The following ABHD8 variants were observed in gnomAD, a reference collection of about 807,000 sequenced individuals.
The protein encoded by ABHD8 is protein ABHD8.
In ABHD8, 10 loss-of-function variants were observed where a neutral mutation model predicts 29.3. The ratio of observed to expected loss-of-function variants is 0.34; its 90% confidence interval spans 0.21 to 0.58. The LOEUF is 0.58. Ranked by LOEUF, ABHD8 falls within the 20% of genes least tolerant of loss-of-function variation. The probability of loss-of-function intolerance (pLI) is 0.85; values close to 1 mark genes in which losing one functional copy is unlikely to be tolerated. For missense variants in ABHD8, 556 were observed against 615.3 expected (o/e 0.90, Z 1.02); for synonymous variants, 282 against 274.6 (o/e 1.03, Z -0.27).
chr19:17,301,060 C>G lies in ABHD8; in HGVS notation c.557G>C (p.Gly186Ala). 1 of 1,613,584 alleles carries G rather than the reference C, an allele frequency of 6.2e-7. No homozygotes were observed. Among genetic ancestry groups the G allele is most frequent in the Non-Finnish European group, 8.5e-7 (1 of 1,180,036 alleles). The part of the protein sequence containing the change: ...VVLFFIHGVG[G>A]SLAIWKEQLD... ...CTGCTCCTTCCAGATGGCCAGGGAA[C>G]CGCCGACACCATGGATGAAAAAGAG... Residue 186 changes from glycine (G) to alanine (A), a missense_variant, in exon 2 of 5, where the codon GGT becomes GCT. Physicochemically the swap from Gly to Ala is moderately conservative, Grantham distance 60. Coordinates refer to ENST00000247706, the MANE Select transcript of ABHD8 (RefSeq NM_024527.5).
Position 17,298,735 on chromosome 19 carries a change from C to CTTTTTT in ABHD8, c.761+2115_761+2120dup, listed in dbSNP as rs34731394. On this transcript the variant is annotated intron_variant, in intron 2 of 4. Coordinates refer to ENST00000247706, the MANE Select transcript of ABHD8 (RefSeq NM_024527.5). Reference sequence around the variant, plus strand: ...ATAGTGCTGGGATTGAACAACACTGCTTTTTTTTTTTTTTTTTTTTTTTTG... The same window carrying CTTTTTT: ...ATAGTGCTGGGATTGAACAACACTGCTTTTTTTTTTTTTTTTTTTTTTTTTTTTTTG... Among the ~76,000 whole-genome samples the CTTTTTT allele has an allele frequency of 4.7e-4, 33 of 70,454 alleles. 2 individuals are homozygous for CTTTTTT. Among genetic ancestry groups the CTTTTTT allele is most frequent in the African/African-American group, 1.4e-3 (23 of 16,814 alleles). The allele number at this position is 70,454 out of a possible 152,430, so 46.2% of individuals were successfully genotyped here. A position where few individuals can be genotyped will look rare whatever the true frequency, so the allele number is the denominator to read the frequency against.
intron 2 of ABHD8, among the ~76,000 whole-genome samples, chr19:17,300,391 C>G (rs1259283389): frequency 6.6e-6 from 1 of 151,910 alleles, no homozygotes; most frequent in Non-Finnish European, 1.5e-5. Flanking sequence ...TTTTGTAGAG[C>G]TAGGGGGTTC....
At chr19:17,299,967 T>C (rs1280209502) in intron 2 of ABHD8, among the ~76,000 whole-genome samples, 1 of 148,452 alleles carries the variant, frequency 6.7e-6, no homozygotes, top group African/African-American at 2.5e-5. Flanking sequence ...TGGCACAATA[T>C]GATCTTGGCT....
intron 2 of ABHD8, among the ~76,000 whole-genome samples, chr19:17,295,991 G>A (rs1419835505): frequency 1.3e-5 from 2 of 150,120 alleles, no homozygotes; most frequent in Non-Finnish European, 3.0e-5. Context: ...GATTATAGGC[G>A]TGAGCCGTGA....
intron 2 of ABHD8, 110 bp downstream of exon 2, chr19:17,300,746 G>A: frequency 1.5e-6 from 2 of 1,364,858 alleles, no homozygotes; most frequent in Non-Finnish European, 2.0e-6. Flanking sequence ...CCAAAGTGCT[G>A]GGATTACAGG....
In ABHD8 at chr19:17,292,724, C is replaced by T. The variant is rs774760937; in HGVS notation, c.1257G>A (p.Glu419=). The T allele has an allele frequency of 1.9e-6, 3 of 1,613,606 alleles. No individual in the cohort carries two copies. The highest frequency in any genetic ancestry group is 1.3e-5 in the African/African-American group (1 of 74,938). The change falls in exon 5 of 5, where the codon GAG becomes GAA. Residue 419 remains glutamate (E), a synonymous_variant. Coordinates refer to ENST00000247706, the MANE Select transcript of ABHD8 (RefSeq NM_024527.5). The stretch of plus-strand genomic sequence containing the variant: ...GTAGAGCCTTGGGCGAGGGCTCGGG[C>T]TCCCAGAGCAGGAATTCGTGGAGCA... The part of the protein sequence containing the change: ...NTLLHEFLLW[E]PEPSPKALPE...
intron 4 of ABHD8, among the ~76,000 whole-genome samples, chr19:17,293,566 A>C (rs1410179749): frequency 2.6e-5 from 4 of 152,072 alleles, no homozygotes; most frequent in Non-Finnish European, 5.9e-5. Flanking sequence ...ACTAGATGCC[A>C]GTAGTACCCC....
intron 2 of ABHD8, among the ~76,000 whole-genome samples, chr19:17,296,883 C>T (rs1009073491): frequency 2.0e-4 from 31 of 151,894 alleles, no homozygotes; most frequent in East Asian, 5.8e-4. Context: ...TTAGTAGAGA[C>T]GGGGTTTCAC....
rs1599520935 is a variant in ABHD8 at position 17,292,412 on chromosome 19, C to G, written c.*249G>C. ...AGAGCTTCTGTACAAGGTCATCTTC[C>G]GTGAGGGTCCCGGCTGCGGCCCCAA... On this transcript the variant is annotated 3_prime_UTR_variant, in exon 5 of 5. Coordinates refer to ENST00000247706, the MANE Select transcript of ABHD8 (RefSeq NM_024527.5). 1.3e-5 allele frequency: 7 copies of G among 523,274 alleles called. No individual in the cohort carries two copies. The East Asian group carries it at 2.3e-4, about 18-fold the overall frequency. The allele number at this position is 523,274 out of a possible 1,614,324, so 32.4% of individuals were successfully genotyped here.
Position 17,299,430 on chromosome 19 carries a change from G to A in ABHD8, c.761+1426C>T, listed in dbSNP as rs574478012. Among the ~76,000 whole-genome samples the A allele has an allele frequency of 5.3e-5, 8 of 151,842 alleles. No homozygotes were observed. The South Asian group carries it at 8.3e-4, about 16-fold the overall frequency. On this transcript the variant is annotated intron_variant, in intron 2 of 4. Coordinates refer to ENST00000247706, the MANE Select transcript of ABHD8 (RefSeq NM_024527.5). ...CAAAAAATTAGCCAGGCATGGTAGC[G>A]GGTGCCTGTAGTCCCAGCTACTAGG... is the stretch of plus-strand genomic sequence containing the variant.
At chr19:17,295,538 C>G (rs1349685681) in intron 2 of ABHD8, among the ~76,000 whole-genome samples, 1 of 152,170 alleles carries the variant, frequency 6.6e-6, no homozygotes, top group African/African-American at 2.4e-5. Context: ...TCCCGAGTAG[C>G]TGGGAGTACA....
intron 2 of ABHD8, among the ~76,000 whole-genome samples, chr19:17,297,522 C>G (rs2074098321): frequency 6.6e-6 from 1 of 152,072 alleles, no homozygotes; most frequent in African/African-American, 2.4e-5. Flanking sequence ...TCTTGAACTC[C>G]TGACCTTGTG....
intron 2 of ABHD8, among the ~76,000 whole-genome samples, chr19:17,299,969 A>T (rs920364475): frequency 1.3e-5 from 2 of 148,416 alleles, no homozygotes; most frequent in Admixed American, 1.3e-4. Context: ...GCACAATATG[A>T]TCTTGGCTCA....
In ABHD8 at chr19:17,301,142, G is replaced by A; in HGVS notation, c.475C>T (p.His159Tyr). 6.2e-7 allele frequency: 1 copy of A among 1,612,538 alleles called. No homozygotes were observed. The highest frequency in any genetic ancestry group is 8.5e-7 in the Non-Finnish European group (1 of 1,179,960). Reference sequence around the variant, plus strand: ...GTGATGCGCTTCTCACAGTCAATATGGATGGTCCTCTTGGGGCGCCTGGCT... The same window carrying A: ...GTGATGCGCTTCTCACAGTCAATATAGATGGTCCTCTTGGGGCGCCTGGCT... ...RRARRPKRTI[H>Y]IDCEKRITSC... Residue 159 changes from histidine (H) to tyrosine (Y), a missense_variant, in exon 2 of 5, where the codon CAT becomes TAT. Physicochemically the swap from His to Tyr is moderately conservative, Grantham distance 83. Transcript: ENST00000247706.
At position 17,301,212 on chromosome 19, in the gene ABHD8, G is replaced by T. The variant is rs1001048620; in HGVS notation, c.405C>A (p.Ser135Arg). The T allele has an allele frequency of 2.5e-6, 4 of 1,594,366 alleles. No individual in the cohort carries two copies. Among genetic ancestry groups the T allele is most frequent in the African/African-American group, 1.3e-5 (1 of 74,164 alleles). Residue 135 changes from serine (S) to arginine (R), a missense_variant, in exon 2 of 5, where the codon AGC becomes AGA. This residue lies in a region of ABHD8 where 286 missense variants were observed against 261.4 expected (regional missense o/e 1.09). Coordinates refer to ENST00000247706, the MANE Select transcript of ABHD8 (RefSeq NM_024527.5). The part of the protein sequence containing the change: ...AGSDGRLAPG[S>R]AGSGSGSGSG... ...TGCCACTGCCGCTGCCGCTGCCTGC[G>T]CTGCCGGGGGCCAAGCGGCCATCGC... is the stretch of plus-strand genomic sequence containing the variant.
intron 2 of ABHD8, among the ~76,000 whole-genome samples, chr19:17,300,060 A>C (rs553147752): frequency 6.6e-6 from 1 of 151,288 alleles, no homozygotes; most frequent in South Asian, 2.1e-4. Flanking sequence ...GCCCACCACC[A>C]CACCCAGCTA....
At chr19:17,296,149 G>A (rs576413242) in intron 2 of ABHD8, 4 of 152,334 alleles carry the variant, frequency 2.6e-5, no homozygotes, top group Admixed American at 2.6e-4. Flanking sequence ...GTGAGTTTGA[G>A]TGTTGAGGAT....
intron 1 of ABHD8, among the ~76,000 whole-genome samples, chr19:17,302,549 A>G (rs2074125552): frequency 6.6e-6 from 1 of 152,106 alleles, no homozygotes. Context: ...GGGGATGGGG[A>G]CTGAGCCACA....
chr19:17,297,917 C>CTT lies in ABHD8; in HGVS notation c.761+2937_761+2938dup, dbSNP rs11299354. ...GGCCACTTATTTATTTTTCTTTTTTCTTTTTTTTTTTTTTTGAGATGGAGT... is the reference window on the plus strand; with the variant it reads ...GGCCACTTATTTATTTTTCTTTTTTCTTTTTTTTTTTTTTTTTGAGATGGAGT... On this transcript the variant is annotated intron_variant, in intron 2 of 4. Coordinates refer to ENST00000247706, the MANE Select transcript of ABHD8 (RefSeq NM_024527.5). The CTT allele has an allele frequency of 4.2e-4, 57 of 136,182 alleles. 1 individual carries two copies. The highest frequency in any genetic ancestry group is 1.8e-3 in the East Asian group (8 of 4,478). The allele number at this position is 136,182 out of a possible 1,614,324, so 8.4% of individuals were successfully genotyped here.
Sources: allele counts gnomAD v4.1 joint callset (sites outside exome capture counted in the v4.1 genomes callset), GRCh38; gene constraint gnomAD v4.1.1; regional missense constraint gnomAD v4.1.1; transcripts MANE v1.5; gene names NCBI Gene and HGNC (gene_info 2026-07-23, HGNC 2026-07-21).